The following TNIP2 variants were observed in gnomAD, a reference collection of about 807,000 sequenced individuals.
TNIP2 encodes the protein TNFAIP3 interacting protein 2.
Under a neutral mutation model 43.7 loss-of-function variants are expected in TNIP2, and 30 were observed. The observed-to-expected ratio is 0.69, with a 90% CI of 0.51 to 0.93. TNIP2 has a LOEUF of 0.93. Ranked by LOEUF, TNIP2 falls within the 40% of genes least tolerant of loss-of-function variation. The pLI is 0.00. For missense variants in TNIP2, 599 were observed against 591.0 expected (o/e 1.01, Z -0.14); for synonymous variants, 260 against 254.6 (o/e 1.02, Z -0.20).
chr4:2,746,162 C>T (rs1721942833), intron 2 of TNIP2: 1 of 153,020 alleles, frequency 6.5e-6, no homozygotes, highest in Non-Finnish European at 1.5e-5. Context: ...CCAACCCCCA[C>T]TAACAACTAC....
intron 1 of TNIP2, among the ~76,000 whole-genome samples, chr4:2,749,511 CAGAG>C (rs372858177): frequency 0.01 from 1,582 of 152,318 alleles, 15 homozygotes; most frequent in Middle Eastern, 0.034. Flanking sequence ...GACAGACACA[CAGAG>C]AGAAGACGAC....
At chr4:2,748,786 G>A (rs1482806722) in intron 1 of TNIP2, among the ~76,000 whole-genome samples, 4 of 142,392 alleles carry the variant, frequency 2.8e-5, no homozygotes, top group Non-Finnish European at 4.5e-5. Flanking sequence ...GAGCCACTGC[G>A]CCCAGCAATT....
rs182854675 is a variant in TNIP2, at chr4:2,755,929, G to A, written c.276+85C>T. ...TACCCCCTCAACCCCTCAGGACCCG[G>A]GGCCCGCTCGCTCACCCACCCAGGA... is the stretch of plus-strand genomic sequence containing the variant. On this transcript the variant is annotated intron_variant, in intron 1 of 5. Transcript: ENST00000315423. The A allele has an allele frequency of 7.2e-5, 102 of 1,408,566 alleles. 1 individual carries two copies. In the African/African-American group the frequency reaches 1.4e-3, roughly 20 times the overall value. The allele number at this position is 1,408,566 out of a possible 1,614,324, so 87.3% of individuals were successfully genotyped here. A position where few individuals can be genotyped will look rare whatever the true frequency, so the allele number is the denominator to read the frequency against.
intron 1 of TNIP2, 108 bp from the exon 2 acceptor site, chr4:2,748,053 CA>C (rs1308124582): frequency 8.7e-6 from 10 of 1,154,544 alleles, no homozygotes; most frequent in Non-Finnish European, 1.2e-5. Context: ...CATCACCAGA[CA>C]CAAACATACT....
chr4:2,755,901 C>G, intron 1 of TNIP2, 113 bp downstream of exon 1: 1 of 1,335,636 alleles, frequency 7.5e-7, no homozygotes. Flanking sequence ...CCCCAGGACC[C>G]AGTACCCCCT....
Position 2,743,450 on chromosome 4 carries a change from A to C in TNIP2, c.1027-930T>G, listed in dbSNP as rs535774110. ...ATGCTTCCTTGAATTCATGAAGGCC[A>C]GAAAAACCTGTCCAGCCCTCTGCTG... On this transcript the variant is annotated intron_variant, in intron 5 of 5. Coordinates refer to ENST00000315423, the MANE Select transcript of TNIP2 (RefSeq NM_024309.4). Among the ~76,000 whole-genome samples the C allele has an allele frequency of 7.2e-5, 11 of 152,330 alleles. No homozygotes were observed. The East Asian group carries it at 1.9e-3, about 27-fold the overall frequency.
At chr4:2,749,880 T>A (rs1181624579) in intron 1 of TNIP2, among the ~76,000 whole-genome samples, 1 of 152,030 alleles carries the variant, frequency 6.6e-6, no homozygotes, top group East Asian at 1.9e-4. Context: ...GGTGCCACCA[T>A]GGTTCACTGT....
intron 3 of TNIP2, among the ~76,000 whole-genome samples, chr4:2,745,171 C>T (rs762856): frequency 0.35 from 52,894 of 152,084 alleles, 10,792 homozygotes; most frequent in Admixed American, 0.54. Flanking sequence ...GAGGTGGACT[C>T]GGTGCAGCTT....
chr4:2,756,156 A>G lies in TNIP2; in HGVS notation c.134T>C (p.Ile45Thr). ...GGCCAGGCGGGCGCGGAGGCGAGCG[A>G]TGAGGGCGTCGCGGGCAGCGAGCTG... is the stretch of plus-strand genomic sequence containing the variant. The part of the protein sequence containing the change: ...QDQLAARDAL[I>T]ARLRARLAAL... The change falls in exon 1 of 6, where the codon ATC becomes ACC. Residue 45 changes from isoleucine to threonine, a missense_variant. Coordinates refer to ENST00000315423, the MANE Select transcript of TNIP2 (RefSeq NM_024309.4). 6.8e-7 allele frequency: 1 copy of G among 1,477,092 alleles called. No individual in the cohort carries two copies. Among genetic ancestry groups the G allele is most frequent in the Admixed American group, 2.4e-5 (1 of 41,690 alleles). 91.5% of individuals were successfully genotyped at this position (1,477,092 alleles called of 1,614,324 possible). A position where few individuals can be genotyped will look rare whatever the true frequency, so the allele number is the denominator to read the frequency against.
chr4:2,748,788 C>T (rs1182989769), intron 1 of TNIP2, among the ~76,000 whole-genome samples: 1 of 140,946 alleles, frequency 7.1e-6, no homozygotes, highest in East Asian at 2.0e-4. Context: ...GCCACTGCGC[C>T]CAGCAATTTT....
Position 2,747,555 on chromosome 4 carries a change from G to A in TNIP2, c.567+100C>T, listed in dbSNP as rs1721980854. The A allele has an allele frequency of 1.5e-5, 18 of 1,229,646 alleles. No homozygotes were observed. In the South Asian group the frequency reaches 2.4e-4, roughly 16 times the overall value. 76.2% of individuals were successfully genotyped at this position (1,229,646 alleles called of 1,614,324 possible). ...GACTCTCGTTACTGAGAACAGAAGT[G>A]GGTTCTGGGGCGCCCCCCCACCTCT... is the stretch of plus-strand genomic sequence containing the variant. On this transcript the variant is annotated intron_variant, in intron 2 of 5. Transcript: ENST00000315423.
chr4:2,752,779 C>G (rs759607786), intron 1 of TNIP2, among the ~76,000 whole-genome samples: 1 of 152,192 alleles, frequency 6.6e-6, no homozygotes, highest in Non-Finnish European at 1.5e-5. Context: ...CACAGTGGCT[C>G]ACGCCTGTAA....
chr4:2,744,814 C>T lies in TNIP2; in HGVS notation c.789G>A (p.Arg263=), dbSNP rs779055767. The change falls in exon 4 of 6, where the codon CGG becomes CGA. Residue 263 remains arginine, a synonymous_variant. Coordinates refer to ENST00000315423, the MANE Select transcript of TNIP2 (RefSeq NM_024309.4). The surrounding 1 kb of genome is among the most constrained non-coding windows in gnomAD (Gnocchi z 5.1). ...EPELMRKEIS[R]LNRQLEEKIN... Reference sequence around the variant, plus strand: ...TTTTCTCTTCCAACTGTCTGTTGAGCCGGGAGATCTCCTTCCTCATCAGCT... The same window carrying T: ...TTTTCTCTTCCAACTGTCTGTTGAGTCGGGAGATCTCCTTCCTCATCAGCT... 2 of 1,613,686 alleles carry T rather than the reference C, an allele frequency of 1.2e-6. No individual in the cohort carries two copies. The highest frequency in any genetic ancestry group is 1.7e-5 in the Admixed American group (1 of 60,032).
At chr4:2,747,207 C>T (rs114251657) in intron 2 of TNIP2, among the ~76,000 whole-genome samples, 2,109 of 152,336 alleles carry the variant, frequency 0.014, 15 homozygotes, top group Non-Finnish European at 0.021. Context: ...CTGAAGAAGG[C>T]GGGCACTCAC....
intron 1 of TNIP2, 67 bp downstream of exon 1, chr4:2,755,947 A>G: frequency 7.0e-7 from 1 of 1,432,694 alleles, no homozygotes; most frequent in Non-Finnish European, 9.1e-7. Context: ...TCGCTCACCC[A>G]CCCAGGACCC....
At chr4:2,748,345 A>G (rs1577309736) in intron 1 of TNIP2, among the ~76,000 whole-genome samples, 2 of 151,532 alleles carry the variant, frequency 1.3e-5, no homozygotes, top group South Asian at 4.2e-4. Context: ...CAGCTAAAAG[A>G]ATTTTTTTTT....
chr4:2,750,321 G>A (rs1296626546), intron 1 of TNIP2, among the ~76,000 whole-genome samples: 1 of 151,922 alleles, frequency 6.6e-6, no homozygotes, highest in Non-Finnish European at 1.5e-5. Flanking sequence ...GAGGTAAGAA[G>A]GGACAGAGAC....
At chr4:2,755,514 C>A (rs976807379) in intron 1 of TNIP2, among the ~76,000 whole-genome samples, 1 of 146,820 alleles carries the variant, frequency 6.8e-6, no homozygotes, top group Non-Finnish European at 1.5e-5. Context: ...GAACCTTGCA[C>A]CCTCACCCCG....
At chr4:2,755,892 C>T (rs1207410199) in intron 1 of TNIP2, 122 bp downstream of exon 1, 1 of 1,318,394 alleles carries the variant, frequency 7.6e-7, no homozygotes, top group Non-Finnish European at 9.8e-7. Context: ...CCAACTCAAC[C>T]CCAGGACCCA....
Sources: gnomAD v4.1 joint callset for allele counts (sites outside exome capture counted in the v4.1 genomes callset) on GRCh38, gnomAD v4.1.1 for gene constraint, Gnocchi (gnomAD v3.1) non-coding constraint, MANE v1.5 for transcripts, NCBI Gene and HGNC (gene_info 2026-07-23, HGNC 2026-07-21) for gene names.